EFCAB5: variants seen among roughly 807,000 people sequenced by gnomAD.
EFCAB5 encodes the protein EF-hand calcium-binding domain-containing protein 5.
A neutral mutation model predicts 167.9 loss-of-function variants in EFCAB5; 131 were observed. That is an observed-to-expected ratio of 0.78 (90% CI 0.68 to 0.90). The LOEUF is 0.90. Ranked by LOEUF, EFCAB5 falls within the 40% of genes least tolerant of loss-of-function variation. The probability of loss-of-function intolerance (pLI) is 0.00; values close to 1 mark genes in which losing one functional copy is unlikely to be tolerated. For synonymous variants in EFCAB5, 574 were observed against 602.8 expected (o/e 0.95, Z 0.70); for missense variants, 1,663 against 1,745.2 (o/e 0.95, Z 0.84).
At chr17:30,046,080 A>G (rs2069920403) in intron 8 of EFCAB5, among the ~76,000 whole-genome samples, 2 of 152,134 alleles carry the variant, frequency 1.3e-5, no homozygotes, top group African/African-American at 2.4e-5. Flanking sequence ...CTAATCTATA[A>G]TGATAAATAT....
intron 20 of EFCAB5, among the ~76,000 whole-genome samples, chr17:30,091,194 A>G (rs1334478569): frequency 6.6e-6 from 1 of 152,182 alleles, no homozygotes; most frequent in Non-Finnish European, 1.5e-5. Flanking sequence ...AGTAAAGTGG[A>G]TTATCTAAGG....
At chr17:29,988,864 C>T (rs902196849) in intron 4 of EFCAB5, among the ~76,000 whole-genome samples, 5 of 152,146 alleles carry the variant, frequency 3.3e-5, no homozygotes, top group African/African-American at 1.2e-4. Context: ...TGAACAATAA[C>T]ACCAGTAGGT....
At chr17:29,955,893 A>G (rs1199398232) in intron 3 of EFCAB5, among the ~76,000 whole-genome samples, 2 of 152,244 alleles carry the variant, frequency 1.3e-5, no homozygotes, top group Non-Finnish European at 2.9e-5. Flanking sequence ...ACCTGGAGGT[A>G]TCATGCTACC....
intron 18 of EFCAB5, among the ~76,000 whole-genome samples, chr17:30,084,386 A>G (rs1361736463): frequency 2.0e-5 from 3 of 152,186 alleles, no homozygotes; most frequent in East Asian, 3.8e-4. Context: ...AAGAGAAACA[A>G]CACATAGGGC....
intron 8 of EFCAB5, among the ~76,000 whole-genome samples, chr17:30,046,973 A>C (rs955541672): frequency 2.0e-5 from 3 of 152,210 alleles, no homozygotes; most frequent in African/African-American, 7.2e-5. Context: ...CTAGCAGCAG[A>C]AAGCTGGGGA....
chr17:29,937,727 G>C (rs773274275), upstream of EFCAB5, among the ~76,000 whole-genome samples: 42 of 152,076 alleles, frequency 2.8e-4, no homozygotes, highest in Non-Finnish European at 5.7e-4. Context: ...TATATATTCA[G>C]GGACTGATGA....
At position 30,108,122 on chromosome 17, in the gene EFCAB5, C is replaced by T. The variant is rs942568423; in HGVS notation, c.*98C>T. On this transcript the variant is annotated 3_prime_UTR_variant, in exon 23 of 23. Transcript: ENST00000394835. ...AAATATTTTCCATTGGAAAGGGGTA[C>T]CTATAAATGTCTTCTGCTGCTAATA... 22 of 1,303,864 alleles carry T rather than the reference C, an allele frequency of 1.7e-5. No individual in the cohort carries two copies. The highest frequency in any genetic ancestry group is 2.0e-5 in the Non-Finnish European group (19 of 956,850). The allele number at this position is 1,303,864 out of a possible 1,614,324, so 80.8% of individuals were successfully genotyped here. A position where few individuals can be genotyped will look rare whatever the true frequency, so the allele number is the denominator to read the frequency against.
intron 4 of EFCAB5, among the ~76,000 whole-genome samples, chr17:29,973,686 C>T (rs1274655244): frequency 6.6e-6 from 1 of 151,374 alleles, no homozygotes; most frequent in Non-Finnish European, 1.5e-5. Flanking sequence ...CCATATTGGC[C>T]AGGCTGATCT....
At chr17:29,978,873 C>CA (rs2068113706) in intron 4 of EFCAB5, among the ~76,000 whole-genome samples, 3 of 152,132 alleles carry the variant, frequency 2.0e-5, no homozygotes. Context: ...ACCTTATATG[C>CA]AATTGCTTTG....
At chr17:30,001,237 A>C (rs2068655847) in intron 7 of EFCAB5, among the ~76,000 whole-genome samples, 1 of 152,150 alleles carries the variant, frequency 6.6e-6, no homozygotes, top group Non-Finnish European at 1.5e-5. Context: ...CCATGTCATC[A>C]CTCAGTCACC....
rs1184427807 is a variant in EFCAB5, at chr17:29,993,166, G to T, written c.769G>T (p.Val257Leu). ...GTTTTCTATATCTACATCCTGCAGAGTATCCAAGATGAAGGAGAATGTTAA... is the reference window on the plus strand; with the variant it reads ...GTTTTCTATATCTACATCCTGCAGATTATCCAAGATGAAGGAGAATGTTAA... ...IYVPDTICNR[V>L]SKMKENVKQN... Residue 257 changes from valine (V) to leucine (L), a missense_variant and splice_region_variant, in exon 5 of 23, where the codon GTA becomes TTA. Coordinates refer to ENST00000394835, the MANE Select transcript of EFCAB5 (RefSeq NM_198529.4). 3.1e-6 allele frequency: 5 copies of T among 1,607,974 alleles called. No homozygotes were observed. In the South Asian group the frequency reaches 4.5e-5, roughly 14 times the overall value.
intron 22 of EFCAB5, among the ~76,000 whole-genome samples, chr17:30,094,596 C>T (rs879509106): frequency 2.0e-5 from 3 of 151,038 alleles, no homozygotes; most frequent in Non-Finnish European, 2.9e-5. Flanking sequence ...GGTGGGAGAT[C>T]ACTTGAGCCC....
In EFCAB5 at chr17:30,056,112, A is replaced by G. The variant is rs1303072072; in HGVS notation, c.2321A>G (p.Asp774Gly). ...AAAATGAAGTATGTCACATTTGAAG[A>G]TGAGGAACAGGCAAACTTAATCTAT... ...NWKMKYVTFEDEEQANLIYGN... is the reference protein window; with the variant it reads ...NWKMKYVTFEGEEQANLIYGN... The change falls in exon 12 of 23, where the codon GAT becomes GGT. Residue 774 changes from aspartate (D) to glycine (G), a missense_variant. Transcript: ENST00000394835. The G allele has an allele frequency of 1.2e-6, 2 of 1,612,362 alleles. No individual in the cohort carries two copies. Among genetic ancestry groups the G allele is most frequent in the Non-Finnish European group, 1.7e-6 (2 of 1,179,068 alleles).
At chr17:30,105,574 A>T (rs2071439100) in intron 22 of EFCAB5, among the ~76,000 whole-genome samples, 1 of 152,326 alleles carries the variant, frequency 6.6e-6, no homozygotes, top group African/African-American at 2.4e-5. Flanking sequence ...TTAAGTATGT[A>T]TGTCGATTGG....
intron 7 of EFCAB5, among the ~76,000 whole-genome samples, chr17:30,014,791 C>T (rs535788776): frequency 2.9e-4 from 44 of 152,244 alleles, no homozygotes; most frequent in African/African-American, 9.9e-4. Context: ...GCATTTAGCC[C>T]ATTTACATTT....
At chr17:29,975,509 G>A (rs1160773228) in intron 4 of EFCAB5, among the ~76,000 whole-genome samples, 2 of 151,988 alleles carry the variant, frequency 1.3e-5, no homozygotes, top group African/African-American at 2.4e-5. Context: ...TACCCACCTC[G>A]GCCTCCCAAA....
chr17:29,943,713 CCT>C, intron 3 of EFCAB5, 64 bp downstream of exon 3: 1 of 1,430,692 alleles, frequency 7.0e-7, no homozygotes, highest in Non-Finnish European at 9.5e-7. Context: ...GTGGCTCATG[CCT>C]GTAATTCCAG....
chr17:30,004,183 C>T (rs1330952527), intron 7 of EFCAB5, among the ~76,000 whole-genome samples: 1 of 152,222 alleles, frequency 6.6e-6, no homozygotes, highest in African/African-American at 2.4e-5. Context: ...GTCCCCCAAT[C>T]ATTTGCAGGC....
intron 7 of EFCAB5, among the ~76,000 whole-genome samples, chr17:30,019,353 T>C (rs1402543506): frequency 6.6e-6 from 1 of 152,042 alleles, no homozygotes; most frequent in Non-Finnish European, 1.5e-5. Flanking sequence ...TTTTATTTAT[T>C]GAGTAATCAT....
Sources: gnomAD v4.1 joint callset for allele counts (sites outside exome capture counted in the v4.1 genomes callset) on GRCh38, gnomAD v4.1.1 for gene constraint, MANE v1.5 for transcripts, NCBI Gene and HGNC (gene_info 2026-07-23, HGNC 2026-07-21) for gene names.